Variants in CEMIP observed in about 807,000 individuals in gnomAD.
CEMIP encodes the protein cell migration inducing hyaluronidase 1, also known as cell migration-inducing and hyaluronan-binding protein.
In CEMIP, 105 loss-of-function variants were observed where a neutral mutation model predicts 156.9. The ratio of observed to expected loss-of-function variants is 0.67; its 90% CI spans 0.57 to 0.79. The LOEUF (loss-of-function observed/expected upper bound fraction) is 0.79, where lower values mean the gene tolerates loss of function less well. Among genes scored for constraint, CEMIP ranks in the 30% least tolerant of loss-of-function variants. The probability of loss-of-function intolerance (pLI) is 0.00; values close to 1 mark genes in which losing one functional copy is unlikely to be tolerated. For missense variants in CEMIP, 1,457 were observed against 1,769.4 expected (o/e 0.82, Z 3.17); for synonymous variants, 676 against 668.4 (o/e 1.01, Z -0.17).
In CEMIP at chr15:80,921,935, C is replaced by T. The variant is rs1035597120; in HGVS notation, c.2074-74C>T. ...CTACTAGACCCATCTCCGGCGTGGG[C>T]CGCGTGGCCACCTTGCCCAGGAGCT... On this transcript the variant is annotated intron_variant, in intron 16 of 29. Coordinates refer to ENST00000394685, the MANE Select transcript of CEMIP (RefSeq NM_001293298.2). The T allele has an allele frequency of 6.9e-6, 11 of 1,603,758 alleles. No individual in the cohort carries two copies. The South Asian group carries it at 1.1e-4, about 16-fold the overall frequency.
chr15:80,925,661 C>T lies in CEMIP; in HGVS notation c.2326C>T (p.Arg776Trp), dbSNP rs1040503194. Residue 776 changes from arginine to tryptophan, a missense_variant, in exon 19 of 30, where the codon CGG (arginine) becomes TGG (tryptophan). Arg to Trp is a moderately radical substitution (Grantham distance 101). Transcript: ENST00000394685. Reference sequence around the variant, plus strand: ...CCAGGACGCCGACCCGCTGAAGCCCCGGGAGCCGGCCATCATCAGACACTT... The same window carrying T: ...CCAGGACGCCGACCCGCTGAAGCCCTGGGAGCCGGCCATCATCAGACACTT... ...PHQDADPLKP[R>W]EPAIIRHFIA... 1.3e-5 allele frequency: 21 copies of T among 1,613,472 alleles called. No homozygotes were observed. The highest frequency in any genetic ancestry group is 8.0e-5 in the African/African-American group (6 of 74,894).
intron 12 of CEMIP, chr15:80,897,311 G>A (rs1296605454): frequency 8.8e-6 from 4 of 455,804 alleles, no homozygotes; most frequent in Non-Finnish European, 1.8e-5. Flanking sequence ...CAATCTTTTT[G>A]GCTGCCTGAG....
chr15:80,854,846 T>TA (rs1214119733), intron 1 of CEMIP, among the ~76,000 whole-genome samples: 11 of 152,060 alleles, frequency 7.2e-5, no homozygotes, highest in East Asian at 1.9e-4. Context: ...ATACCTATTT[T>TA]AAAAAAACCC....
intron 12 of CEMIP, among the ~76,000 whole-genome samples, chr15:80,902,360 C>T (rs996908650): frequency 6.6e-6 from 1 of 152,228 alleles, no homozygotes; most frequent in Non-Finnish European, 1.5e-5. Context: ...TTGGCCACAT[C>T]TGCTTTTCCC....
chr15:80,838,940 C>A (rs1358972191), intron 1 of CEMIP, among the ~76,000 whole-genome samples: 3 of 152,176 alleles, frequency 2.0e-5, no homozygotes, highest in African/African-American at 7.2e-5. Context: ...ACAGCCAAAG[C>A]GCTCCGTGCA....
At chr15:80,905,389 T>C (rs916936629) in intron 12 of CEMIP, among the ~76,000 whole-genome samples, 1 of 152,254 alleles carries the variant, frequency 6.6e-6, no homozygotes, top group African/African-American at 2.4e-5. Context: ...AAGATCTCTT[T>C]ATTCCATAAA....
intron 15 of CEMIP, among the ~76,000 whole-genome samples, chr15:80,920,708 G>A (rs1465566405): frequency 1.3e-5 from 2 of 152,198 alleles, no homozygotes; most frequent in Non-Finnish European, 2.9e-5. Context: ...CCTTCCAAGT[G>A]CAGGGCCCCT....
Position 80,884,297 on chromosome 15 carries a change from T to C in CEMIP, c.740T>C (p.Met247Thr), listed in dbSNP as rs759784850. The stretch of plus-strand genomic sequence containing the variant: ...GAAGGTTCTCGAAATCTGGATGACA[T>C]GGCCAGGAAGGCGATGACCAAATTG... ...NDEGSRNLDD[M>T]ARKAMTKLGS... Residue 247 changes from methionine to threonine, a missense_variant, in exon 7 of 30, where the codon ATG becomes ACG. Met to Thr is a moderately conservative substitution (Grantham distance 81). Coordinates refer to ENST00000394685, the MANE Select transcript of CEMIP (RefSeq NM_001293298.2). 3.1e-6 allele frequency: 5 copies of C among 1,614,242 alleles called. No homozygotes were observed. The highest frequency in any genetic ancestry group is 4.2e-6 in the Non-Finnish European group (5 of 1,180,034).
intron 10 of CEMIP, 106 bp from the exon 11 acceptor site, chr15:80,894,884 A>G: frequency 7.3e-7 from 1 of 1,369,384 alleles, no homozygotes. Context: ...GTGTTGCAGC[A>G]GGGACAATTT....
rs1461566173 is a variant in CEMIP at position 80,862,447 on chromosome 15, G to A, written c.-175-11091G>A. Among the ~76,000 whole-genome samples, 3 of 152,200 alleles carry A rather than the reference G, an allele frequency of 2.0e-5. No homozygotes were observed. The East Asian group carries it at 5.8e-4, about 29-fold the overall frequency. Reference sequence around the variant, plus strand: ...GGGACAGTCGGGAGAGGTTTAAGGTGGAGAGCGACCCAGCTACCAGAGCAG... The same window carrying A: ...GGGACAGTCGGGAGAGGTTTAAGGTAGAGAGCGACCCAGCTACCAGAGCAG... On this transcript the variant is annotated intron_variant, in intron 1 of 29. Transcript: ENST00000394685.
chr15:80,821,522 G>C (rs7168261), intron 1 of CEMIP, among the ~76,000 whole-genome samples: 38,855 of 151,938 alleles, frequency 0.26, 5,569 homozygotes, highest in East Asian at 0.4. Context: ...CATCAACCAG[G>C]TGAAAATAAT....
intron 1 of CEMIP, among the ~76,000 whole-genome samples, chr15:80,809,530 A>G (rs535112353): frequency 1.3e-5 from 2 of 152,356 alleles, no homozygotes; most frequent in East Asian, 3.8e-4. Context: ...ATGGTACTAC[A>G]TAACAAATTG....
chr15:80,938,574 C>T (rs1901224652), intron 25 of CEMIP, among the ~76,000 whole-genome samples: 1 of 152,148 alleles, frequency 6.6e-6, no homozygotes, highest in African/African-American at 2.4e-5. Context: ...CATTGCATTC[C>T]AGCCTGGGTG....
chr15:80,848,900 G>GCGCACACACACA (rs1555430239), intron 1 of CEMIP, among the ~76,000 whole-genome samples: 14 of 134,632 alleles, frequency 1.0e-4, no homozygotes, highest in African/African-American at 3.8e-4. Context: ...GTGTGCGCGT[G>GCGCACACACACA]CACACACACA....
chr15:80,904,072 G>A (rs555474508), intron 12 of CEMIP, among the ~76,000 whole-genome samples: 43 of 152,346 alleles, frequency 2.8e-4, no homozygotes, highest in African/African-American at 9.4e-4. Flanking sequence ...AACCCTGGAT[G>A]AAACCAAAGG....
At chr15:80,788,599 C>G (rs1423080106) in intron 1 of CEMIP, among the ~76,000 whole-genome samples, 1 of 152,142 alleles carries the variant, frequency 6.6e-6, no homozygotes. Context: ...GTAATTCACT[C>G]TAATGCTAGT....
chr15:80,912,511 T>A (rs573181644), intron 14 of CEMIP, among the ~76,000 whole-genome samples: 1 of 152,218 alleles, frequency 6.6e-6, no homozygotes, highest in African/African-American at 2.4e-5. Context: ...AGCTGGTGGG[T>A]TAGGATTTGG....
intron 1 of CEMIP, among the ~76,000 whole-genome samples, chr15:80,804,368 T>A (rs1178411719): frequency 1.3e-5 from 2 of 152,216 alleles, no homozygotes; most frequent in Admixed American, 6.5e-5. Context: ...GGAGACAGTG[T>A]CTCCTTTATT....
chr15:80,934,020 T>C (rs528531057), intron 23 of CEMIP, among the ~76,000 whole-genome samples: 1 of 151,866 alleles, frequency 6.6e-6, no homozygotes, highest in South Asian at 2.1e-4. Flanking sequence ...AAAACACTTC[T>C]TGTTTTTTTT....
Sources: allele counts gnomAD v4.1 joint callset (sites outside exome capture counted in the v4.1 genomes callset), GRCh38; gene constraint gnomAD v4.1.1; transcripts MANE v1.5; gene names NCBI Gene and HGNC (gene_info 2026-07-23, HGNC 2026-07-21).